Variants in MTMR9 observed in about 807,000 individuals in gnomAD.
MTMR9 encodes the protein myotubularin-related protein 9.
MTMR9 carries 39 observed loss-of-function variants against 69.5 expected under a neutral mutation model. That is an observed-to-expected ratio of 0.56 (90% CI 0.43 to 0.73). The LOEUF (loss-of-function observed/expected upper bound fraction) is 0.73, where lower values mean the gene tolerates loss of function less well. MTMR9 is among the 30% of genes least tolerant of loss of function. The pLI is 0.00. For synonymous variants in MTMR9, 354 were observed against 240.8 expected (o/e 1.47, Z -4.35); for missense variants, 900 against 671.2 (o/e 1.34, Z -3.77).
chr8:11,286,666 CAAAAAA>C (rs869105936), intron 1 of MTMR9, among the ~76,000 whole-genome samples: 4 of 71,662 alleles, frequency 5.6e-5, no homozygotes, highest in African/African-American at 1.6e-4. Context: ...AACTCCATCT[CAAAAAA>C]AAAAAAAAAA....
At chr8:11,322,163 CAT>C (rs778900891) in intron 9 of MTMR9, among the ~76,000 whole-genome samples, 1 of 152,146 alleles carries the variant, frequency 6.6e-6, no homozygotes, top group African/African-American at 2.4e-5. Context: ...CAAATAACAA[CAT>C]ATGTGGTTCT....
At chr8:11,333,754 C>T in the MTMR9 span, among the ~76,000 whole-genome samples, 2 of 152,112 alleles carry the variant, frequency 1.3e-5, no homozygotes, top group Non-Finnish European at 2.9e-5. Flanking sequence ...AAAGGGAGTC[C>T]TTGAAGGTGA....
At chr8:11,331,471 T>C, downstream of MTMR9, 1 of 1,613,938 alleles carries the variant, frequency 6.2e-7, no homozygotes, top group East Asian at 2.2e-5. Flanking sequence ...TACAGTGCAG[T>C]TCAGGTGGTG....
At chr8:11,288,217 T>A (rs1174214700) in intron 1 of MTMR9, among the ~76,000 whole-genome samples, 10 of 136,432 alleles carry the variant, frequency 7.3e-5, no homozygotes, top group African/African-American at 2.8e-4. Flanking sequence ...ATATAATATA[T>A]TAATAATTAT....
chr8:11,313,422 C>T (rs549026509), intron 6 of MTMR9, among the ~76,000 whole-genome samples: 1 of 152,330 alleles, frequency 6.6e-6, no homozygotes, highest in South Asian at 2.1e-4. Flanking sequence ...CTTTTAATTT[C>T]CATCAGGAAC....
intron 1 of MTMR9, among the ~76,000 whole-genome samples, chr8:11,285,873 C>G (rs1412224334): frequency 2.6e-5 from 4 of 151,908 alleles, no homozygotes; most frequent in African/African-American, 9.7e-5. Context: ...TTTCTATTGC[C>G]TCACAGGATA....
In MTMR9 at chr8:11,323,110, C is replaced by T. The variant is rs185865431; in HGVS notation, c.*322C>T. The stretch of plus-strand genomic sequence containing the variant: ...ATCCAAAGCTTTTTCTCTGTGTCCA[C>T]TCTCCAAACAGCATTCTAGAGCAGT... On this transcript the variant is annotated 3_prime_UTR_variant, in exon 10 of 10. Transcript: ENST00000221086. The T allele has an allele frequency of 1.7e-4, 32 of 191,018 alleles. No homozygotes were observed. In the East Asian group the frequency reaches 4.2e-3, roughly 25 times the overall value. The allele number at this position is 191,018 out of a possible 1,614,324, so 11.8% of individuals were successfully genotyped here. A position where few individuals can be genotyped will look rare whatever the true frequency, so the allele number is the denominator to read the frequency against.
chr8:11,309,307 G>A (rs1800096787), intron 5 of MTMR9, among the ~76,000 whole-genome samples: 1 of 152,174 alleles, frequency 6.6e-6, no homozygotes, highest in Non-Finnish European at 1.5e-5. Flanking sequence ...ATCTGTTCAG[G>A]TAAGGAATAC....
chr8:11,295,445 C>G, intron 2 of MTMR9, 143 bp downstream of exon 2: 1 of 622,894 alleles, frequency 1.6e-6, no homozygotes, highest in Non-Finnish European at 2.8e-6. Flanking sequence ...CACCCTGGTT[C>G]ATCGTCATAT....
chr8:11,332,695 G>C (rs1801283443), downstream of MTMR9, among the ~76,000 whole-genome samples: 4 of 151,952 alleles, frequency 2.6e-5, no homozygotes, highest in Admixed American at 2.6e-4. Flanking sequence ...TCCGCCTTCT[G>C]GGTTCAAGCA....
At chr8:11,302,281 G>GAAAAAAAAAAAAAAAAAAAAAAGAAAA (rs1799774432) in intron 3 of MTMR9, among the ~76,000 whole-genome samples, 1 of 53,884 alleles carries the variant, frequency 1.9e-5, no homozygotes, top group Non-Finnish European at 3.5e-5. Flanking sequence ...AAAAGAGGAA[G>GAAAAAAAAAAAAAAAAAAAAAAGAAAA]ACAAAAAAAA....
downstream of MTMR9, among the ~76,000 whole-genome samples, chr8:11,329,488 A>AT (rs1585147195): frequency 1.3e-5 from 2 of 152,146 alleles, no homozygotes; most frequent in East Asian, 3.9e-4. Context: ...TGGTTTTCGT[A>AT]TTTTTTTGGT....
chr8:11,332,717 T>A (rs935111355), downstream of MTMR9, among the ~76,000 whole-genome samples: 4 of 152,118 alleles, frequency 2.6e-5, no homozygotes, highest in African/African-American at 9.7e-5. Context: ...TTCTCCTACA[T>A]CAGCCTCCCA....
rs776827930 is a variant in MTMR9 at position 11,306,872 on chromosome 8, C to T, written c.809+465C>T. ...TATCTGTGTCCCTCCTACCCCGACCCCTCCTGCTACTTTCTCTTCCTCTGG... is the reference window on the plus strand; with the variant it reads ...TATCTGTGTCCCTCCTACCCCGACCTCTCCTGCTACTTTCTCTTCCTCTGG... On this transcript the variant is annotated intron_variant, in intron 5 of 9. Transcript: ENST00000221086. Among the ~76,000 whole-genome samples, 3 of 152,290 alleles carry T rather than the reference C, an allele frequency of 2.0e-5. 1 individual carries two copies. The Middle Eastern group carries it at 0.01, about 518-fold the overall frequency.
At chr8:11,287,850 T>A (rs1300742945) in intron 1 of MTMR9, among the ~76,000 whole-genome samples, 2 of 118,672 alleles carry the variant, frequency 1.7e-5, no homozygotes, top group East Asian at 4.1e-4. Flanking sequence ...TATTTTATTA[T>A]ATATGTTATA....
At chr8:11,291,774 C>G (rs963194610) in intron 1 of MTMR9, among the ~76,000 whole-genome samples, 1 of 152,086 alleles carries the variant, frequency 6.6e-6, no homozygotes, top group African/African-American at 2.4e-5. Flanking sequence ...TGGAAATTTA[C>G]AAGAGAATAA....
intron 2 of MTMR9, among the ~76,000 whole-genome samples, chr8:11,296,919 T>G (rs1799581198): frequency 6.6e-6 from 1 of 152,168 alleles, no homozygotes; most frequent in Non-Finnish European, 1.5e-5. Flanking sequence ...TTGGTTCAGA[T>G]TACAAATAAT....
At chr8:11,328,781 T>A (rs760630352), downstream of MTMR9, among the ~76,000 whole-genome samples, 5 of 152,198 alleles carry the variant, frequency 3.3e-5, no homozygotes, top group Non-Finnish European at 7.3e-5. Context: ...CTGGTAGATA[T>A]CACCTTATTT....
Position 11,327,852 on chromosome 8 carries a change from AAAAG to A in MTMR9, c.*5065_*5068del, listed in dbSNP as rs1428230863. The A allele has an allele frequency of 1.3e-5, 2 of 152,612 alleles. No homozygotes were observed. Among genetic ancestry groups the A allele is most frequent in the Admixed American group, 1.3e-4 (2 of 15,276 alleles). The allele number at this position is 152,612 out of a possible 1,614,324, so 9.5% of individuals were successfully genotyped here. On this transcript the variant is annotated 3_prime_UTR_variant, in exon 10 of 10. Coordinates refer to ENST00000221086, the MANE Select transcript of MTMR9 (RefSeq NM_015458.4). ...TATACATACAGTCTTAGGGAAAAAA[AAAAG>A]CAGAACTTTTGTAAGTCTGTGTAAC...
Sources: gnomAD v4.1 joint callset for allele counts (sites outside exome capture counted in the v4.1 genomes callset) on GRCh38, gnomAD v4.1.1 for gene constraint, MANE v1.5 for transcripts, NCBI Gene and HGNC (gene_info 2026-07-23, HGNC 2026-07-21) for gene names.